Variants in TNRC6B observed in about 807,000 individuals in gnomAD.
TNRC6B encodes trinucleotide repeat containing adaptor 6B, also known as trinucleotide repeat-containing gene 6B protein.
In TNRC6B, 52 loss-of-function variants were observed where a neutral mutation model predicts 203.6. That is an observed-to-expected ratio of 0.26 (90% CI 0.20 to 0.32). The LOEUF (loss-of-function observed/expected upper bound fraction) is 0.32. TNRC6B is among the 10% of genes least tolerant of loss of function. TNRC6B has a pLI of 1.00. For missense variants in TNRC6B, 1,923 were observed against 2,286.2 expected, an observed-to-expected ratio of 0.84 and a Z score of 3.24; for synonymous variants, 838 against 845.7, an observed-to-expected ratio of 0.99 and a Z score of 0.16.
chr22:40,136,005 G>A (rs1217169283), intron 3 of TNRC6B, among the ~76,000 whole-genome samples: 1 of 152,178 alleles, frequency 6.6e-6, no homozygotes, highest in Non-Finnish European at 1.5e-5. Context: ...GAGTTCTCAG[G>A]AGTTAGGAGA....
intron 11 of TNRC6B, among the ~76,000 whole-genome samples, chr22:40,285,424 C>T (rs2070767537): frequency 6.6e-6 from 1 of 152,116 alleles, no homozygotes; most frequent in Non-Finnish European, 1.5e-5. Context: ...ACATTGAACC[C>T]TTTCCGTTTA....
At chr22:40,273,160 G>A (rs1352241403) in intron 6 of TNRC6B, among the ~76,000 whole-genome samples, 1 of 152,174 alleles carries the variant, frequency 6.6e-6, no homozygotes, top group Admixed American at 6.5e-5. Context: ...TGAAATTCCT[G>A]TCCAACTTTG....
chr22:40,278,134 C>G, intron 9 of TNRC6B, 90 bp downstream of exon 9: 2 of 982,494 alleles, frequency 2.0e-6, no homozygotes, highest in Non-Finnish European at 1.6e-6. Flanking sequence ...GGGATAGGTG[C>G]AGTTCAGTAG....
chr22:40,255,974 T>G (rs1464652280), intron 3 of TNRC6B, among the ~76,000 whole-genome samples: 1 of 152,202 alleles, frequency 6.6e-6, no homozygotes, highest in Non-Finnish European at 1.5e-5. Flanking sequence ...TGCCTCAGCC[T>G]CCTGAGTAGT....
At chr22:40,105,461 A>G (rs532018726) in intron 1 of TNRC6B, among the ~76,000 whole-genome samples, 8 of 151,260 alleles carry the variant, frequency 5.3e-5, no homozygotes, top group Non-Finnish European at 1.0e-4. Context: ...ACAGGTAACC[A>G]CTCTTTTGAT....
chr22:40,117,792 T>A (rs1022939189), intron 2 of TNRC6B, among the ~76,000 whole-genome samples: 30 of 152,332 alleles, frequency 2.0e-4, no homozygotes, highest in African/African-American at 6.7e-4. Flanking sequence ...TTGGCAGAAT[T>A]TCTTTTTCAT....
intron 1 of TNRC6B, among the ~76,000 whole-genome samples, chr22:40,078,208 G>A (rs1271120794): frequency 1.3e-5 from 2 of 152,184 alleles, no homozygotes; most frequent in Non-Finnish European, 2.9e-5. Context: ...TTTCATTAAA[G>A]GAGTTTTTCA....
At chr22:40,201,680 C>T (rs1302532492) in intron 1 of TNRC6B, among the ~76,000 whole-genome samples, 1 of 151,936 alleles carries the variant, frequency 6.6e-6, no homozygotes, top group Admixed American at 6.6e-5. Flanking sequence ...CCACCTCGGC[C>T]TCTTGAGTAG....
chr22:40,228,640 C>T (rs964916417), intron 1 of TNRC6B, among the ~76,000 whole-genome samples: 1 of 150,904 alleles, frequency 6.6e-6, no homozygotes, highest in African/African-American at 2.4e-5. Context: ...CTGCCTCAGC[C>T]TCCCGAGTAG....
At position 40,281,111 on chromosome 22, in the gene TNRC6B, C is replaced by A; in HGVS notation, c.3412-8C>A. 1 of 1,546,516 alleles carries A rather than the reference C, an allele frequency of 6.5e-7. No homozygotes were observed. Among genetic ancestry groups the A allele is most frequent in the Non-Finnish European group, 8.7e-7 (1 of 1,144,518 alleles). On this transcript the variant is annotated splice_polypyrimidine_tract_variant and splice_region_variant and intron_variant, in intron 10 of 22. Transcript: ENST00000454349. Reference sequence around the variant, plus strand: ...CGTTGTGATTGGCTAACTCCTACTACTTTTCAGCTGACTTTGCCTTTCTCC... The same window carrying A: ...CGTTGTGATTGGCTAACTCCTACTAATTTTCAGCTGACTTTGCCTTTCTCC...
intron 12 of TNRC6B, among the ~76,000 whole-genome samples, chr22:40,287,497 C>A (rs62238023): frequency 0.12 from 17,822 of 152,208 alleles, 1,127 homozygotes; most frequent in South Asian, 0.16. Flanking sequence ...CAAGGTCTTG[C>A]CTGGGAGTCT....
chr22:40,163,685 C>G (rs558236723), intron 4 of TNRC6B, among the ~76,000 whole-genome samples: 1 of 150,858 alleles, frequency 6.6e-6, no homozygotes, highest in Non-Finnish European at 1.5e-5. Flanking sequence ...CACTTGAACC[C>G]GGGAGGTGGA....
chr22:40,294,005 G>A (rs1223569768), intron 12 of TNRC6B, among the ~76,000 whole-genome samples: 1 of 149,050 alleles, frequency 6.7e-6, no homozygotes, highest in African/African-American at 2.5e-5. Context: ...ACTTTGGGAG[G>A]CTGAGACAGG....
At chr22:40,230,725 G>T (rs952433594) in intron 1 of TNRC6B, among the ~76,000 whole-genome samples, 2 of 152,062 alleles carry the variant, frequency 1.3e-5, no homozygotes, top group South Asian at 4.1e-4. Context: ...CTTTTGAAGA[G>T]CAGAAGTTTT....
intron 1 of TNRC6B, among the ~76,000 whole-genome samples, chr22:40,093,129 T>C (rs1223590180): frequency 6.6e-6 from 1 of 152,030 alleles, no homozygotes; most frequent in East Asian, 1.9e-4. Context: ...ATTAAGAAAA[T>C]AAGAATGAAA....
In TNRC6B at chr22:40,316,030, C is replaced by A; in HGVS notation, c.4974+18C>A. The A allele has an allele frequency of 6.2e-7, 1 of 1,609,428 alleles. No homozygotes were observed. The highest frequency in any genetic ancestry group is 8.5e-7 in the Non-Finnish European group (1 of 1,176,118). On this transcript the variant is annotated intron_variant, in intron 21 of 22. Transcript: ENST00000454349. ...CCCCACAGGTAATTATGCTTTCTCG[C>A]AGTTTTCTAGATAGGACTTGATTGT...
intron 12 of TNRC6B, among the ~76,000 whole-genome samples, chr22:40,294,493 T>C (rs371025349): frequency 6.6e-6 from 1 of 152,162 alleles, no homozygotes; most frequent in Non-Finnish European, 1.5e-5. Context: ...TAAACTTGAG[T>C]GCATCTACAA....
chr22:40,075,154 A>AT (rs1181613595), intron 1 of TNRC6B, among the ~76,000 whole-genome samples: 97 of 55,318 alleles, frequency 1.8e-3, no homozygotes, highest in Middle Eastern at 0.011. Context: ...ATATATATAT[A>AT]TATTTTTTTT....
intron 1 of TNRC6B, among the ~76,000 whole-genome samples, chr22:40,046,924 C>A (rs1401362162): frequency 6.6e-6 from 1 of 152,114 alleles, no homozygotes; most frequent in Non-Finnish European, 1.5e-5. Context: ...GGATTACAGG[C>A]GTGAGCCACC....
Sources: allele counts gnomAD v4.1 joint callset (sites outside exome capture counted in the v4.1 genomes callset), GRCh38; gene constraint gnomAD v4.1.1; transcripts MANE v1.5; gene names NCBI Gene and HGNC (gene_info 2026-07-23, HGNC 2026-07-21).